The following CCDC12 variants were observed in gnomAD, a reference collection of about 807,000 sequenced individuals.
CCDC12 encodes the protein coiled-coil domain-containing protein 12.
In CCDC12, 28 loss-of-function variants were observed where a neutral mutation model predicts 25.7. The observed-to-expected ratio is 1.09, with a 90% CI of 0.81 to 1.50. The LOEUF (loss-of-function observed/expected upper bound fraction) is 1.50. Among genes scored for constraint, CCDC12 ranks in the 40% most tolerant of loss-of-function variants. The pLI, the probability that CCDC12 is intolerant of heterozygous loss-of-function variation, is 0.00. For missense variants in CCDC12, 198 were observed against 210.0 expected, an observed-to-expected ratio of 0.94 and a Z score of 0.35; for synonymous variants, 75 against 87.7, an observed-to-expected ratio of 0.86 and a Z score of 0.81.
At chr3:46,948,636 T>C (rs888736794) in intron 1 of CCDC12, among the ~76,000 whole-genome samples, 1 of 152,242 alleles carries the variant, frequency 6.6e-6, no homozygotes, top group African/African-American at 2.4e-5. Context: ...GGATAGCACC[T>C]GTCAAGGTGC....
At position 46,925,517 on chromosome 3, in the gene CCDC12, G is replaced by A; in HGVS notation, c.183C>T (p.Asn61=). ...GEKHRELRLR[N]YVPEDEDLKK... ...TCAGGTCCTCATCCTCCGGGACATAGTTCCGCAGCCTAAGTTCCCTGCAAG... is the reference window on the plus strand; with the variant it reads ...TCAGGTCCTCATCCTCCGGGACATAATTCCGCAGCCTAAGTTCCCTGCAAG... Residue 61 remains asparagine, a synonymous_variant, in exon 3 of 7, where the codon AAC becomes AAT. Coordinates refer to ENST00000683445, the MANE Select transcript of CCDC12 (RefSeq NM_001277074.2). 1 of 1,590,632 alleles carries A rather than the reference G, an allele frequency of 6.3e-7. No individual in the cohort carries two copies. Among genetic ancestry groups the A allele is most frequent in the Non-Finnish European group, 8.6e-7 (1 of 1,163,442 alleles).
At chr3:46,955,138 G>T (rs2034247916) in intron 1 of CCDC12, among the ~76,000 whole-genome samples, 1 of 152,176 alleles carries the variant, frequency 6.6e-6, no homozygotes, top group African/African-American at 2.4e-5. Flanking sequence ...ACCCAGTGAA[G>T]TTCTTCTTGC....
intron 1 of CCDC12, among the ~76,000 whole-genome samples, chr3:46,952,101 G>T (rs574128909): frequency 2.1e-4 from 32 of 152,050 alleles, no homozygotes; most frequent in African/African-American, 7.5e-4. Context: ...CCCCACATGA[G>T]ATTTTGTTTG....
In CCDC12 at chr3:46,927,491, G is replaced by A. The variant is rs73831407; in HGVS notation, c.165-1956C>T. 1.9e-3 allele frequency among the ~76,000 whole-genome samples: 282 copies of A among 152,218 alleles called. 2 individuals are homozygous for A. The highest frequency in any genetic ancestry group is 6.5e-3 in the African/African-American group (271 of 41,524). On this transcript the variant is annotated intron_variant, in intron 2 of 6. Transcript: ENST00000683445. ...TACCCAGAACTCACAGCAGCAACAC[G>A]CACCCATGCCTCCAGACCCACCCAC...
chr3:46,923,850 G>A, intron 3 of CCDC12, 182 bp from the exon 4 acceptor site: 1 of 438,148 alleles, frequency 2.3e-6, no homozygotes, highest in Non-Finnish European at 3.9e-6. Flanking sequence ...GAGGGGCCTG[G>A]GTTTCCCAGG....
rs546180805 is a variant in CCDC12, at chr3:46,964,357, C to T, written c.96+12280G>A. Among the ~76,000 whole-genome samples the T allele has an allele frequency of 2.3e-3, 348 of 149,934 alleles. 3 individuals carry two copies. The highest frequency in any genetic ancestry group is 7.8e-3 in the African/African-American group (316 of 40,658). Reference sequence around the variant, plus strand: ...GGGGGTCAGCCCCCGCCCGGCCAGCCGCCCCGTCTGGGAGGTGGGGGGCGC... The same window carrying T: ...GGGGGTCAGCCCCCGCCCGGCCAGCTGCCCCGTCTGGGAGGTGGGGGGCGC... On this transcript the variant is annotated intron_variant, in intron 1 of 6. Transcript: ENST00000683445.
chr3:46,966,365 T>C (rs1191827819), intron 1 of CCDC12, among the ~76,000 whole-genome samples: 1 of 151,772 alleles, frequency 6.6e-6, no homozygotes, highest in Non-Finnish European at 1.5e-5. Context: ...ATACAAAAAT[T>C]AGCCGGGCGC....
chr3:46,969,634 C>G (rs930651421), intron 1 of CCDC12, among the ~76,000 whole-genome samples: 1 of 152,212 alleles, frequency 6.6e-6, no homozygotes, highest in African/African-American at 2.4e-5. Flanking sequence ...AAATCAGCAT[C>G]TGATGGAGAT....
chr3:46,969,474 C>T (rs1428320366), intron 1 of CCDC12, among the ~76,000 whole-genome samples: 1 of 152,184 alleles, frequency 6.6e-6, no homozygotes, highest in Non-Finnish European at 1.5e-5. Flanking sequence ...CTCAAGCGAT[C>T]TGCCCACTTT....
At chr3:46,933,015 G>A (rs1484514017) in intron 2 of CCDC12, among the ~76,000 whole-genome samples, 1 of 152,232 alleles carries the variant, frequency 6.6e-6, no homozygotes, top group Non-Finnish European at 1.5e-5. Context: ...CCTGCATCTG[G>A]CTCCTCAGGG....
intron 1 of CCDC12, among the ~76,000 whole-genome samples, chr3:46,949,888 A>T (rs773693744): frequency 3.3e-5 from 5 of 152,050 alleles, no homozygotes; most frequent in Non-Finnish European, 5.9e-5. Context: ...TTAGCCGGGC[A>T]TGGTGGCGGG....
intron 2 of CCDC12, among the ~76,000 whole-genome samples, chr3:46,935,056 G>C (rs1173232527): frequency 6.6e-6 from 1 of 152,204 alleles, no homozygotes; most frequent in Non-Finnish European, 1.5e-5. Flanking sequence ...GCCAGGGCTG[G>C]GCCTTAGCTG....
rs137960878 is a variant in CCDC12, at chr3:46,968,550, T to C, written c.96+8087A>G. ...GCTACTGATGAGTTCAGAAGCTGTA[T>C]CTCGATTTTATAGACAAGAGAGAGG... On this transcript the variant is annotated intron_variant, in intron 1 of 6. Coordinates refer to ENST00000683445, the MANE Select transcript of CCDC12 (RefSeq NM_001277074.2). Among the ~76,000 whole-genome samples, 286 of 152,306 alleles carry C rather than the reference T, an allele frequency of 1.9e-3. 4 individuals carry two copies. Among genetic ancestry groups the C allele is most frequent in the African/African-American group, 6.3e-3 (262 of 41,556 alleles).
intron 1 of CCDC12, among the ~76,000 whole-genome samples, chr3:46,957,996 C>CACACACACACACAT (rs113627328): frequency 0.057 from 8,116 of 142,344 alleles, 422 homozygotes; most frequent in South Asian, 0.087. Flanking sequence ...CACACACACA[C>CACACACACACACAT]ATATATATGT....
At chr3:46,922,489 C>T (rs2107096663) in intron 5 of CCDC12, 177 bp from the exon 6 acceptor site, 1 of 650,372 alleles carries the variant, frequency 1.5e-6, no homozygotes, top group South Asian at 1.8e-5. Flanking sequence ...CCAGCATAAA[C>T]CATCATTCCC....
In CCDC12 at chr3:46,945,158, C is replaced by T. The variant is rs545705774; in HGVS notation, c.97-4093G>A. On this transcript the variant is annotated intron_variant, in intron 1 of 6. Transcript: ENST00000683445. ...TCACATGTAGGCTTTACTACCCCTT[C>T]CCTTCAAGAACCTCTCAGCACGGGG... Among the ~76,000 whole-genome samples the T allele has an allele frequency of 3.3e-5, 5 of 152,342 alleles. No individual in the cohort carries two copies. The South Asian group carries it at 1.0e-3, about 32-fold the overall frequency.
At chr3:46,923,710 G>C (rs746185397) in intron 3 of CCDC12, 42 bp from the exon 4 acceptor site, 85 of 1,430,300 alleles carry the variant, frequency 5.9e-5, no homozygotes, top group Non-Finnish European at 7.1e-5. Flanking sequence ...TGGAAAACGC[G>C]CTGCCACTCT....
intron 1 of CCDC12, among the ~76,000 whole-genome samples, chr3:46,942,349 C>T (rs2033743826): frequency 6.6e-6 from 1 of 152,240 alleles, no homozygotes; most frequent in Non-Finnish European, 1.5e-5. Context: ...GGTGACAATG[C>T]TCACTTCACT....
intron 2 of CCDC12, among the ~76,000 whole-genome samples, chr3:46,927,584 G>A (rs1046652379): frequency 2.6e-5 from 4 of 152,154 alleles, no homozygotes; most frequent in African/African-American, 7.2e-5. Flanking sequence ...AGAGCCTTGC[G>A]CCCACTGTGC....
Sources: allele counts gnomAD v4.1 joint callset (sites outside exome capture counted in the v4.1 genomes callset), GRCh38; gene constraint gnomAD v4.1.1; transcripts MANE v1.5; gene names NCBI Gene and HGNC (gene_info 2026-07-23, HGNC 2026-07-21).